RABGAP1L: variants seen among roughly 807,000 people sequenced by gnomAD.
The protein encoded by RABGAP1L is rab GTPase-activating protein 1-like.
Under a neutral mutation model 137.7 loss-of-function variants are expected in RABGAP1L, and 63 were observed. That is an observed-to-expected ratio of 0.46 (90% CI 0.37 to 0.56). The LOEUF is 0.56. RABGAP1L is among the 20% of genes least tolerant of loss of function. The probability of loss-of-function intolerance (pLI) is 0.00; values close to 1 mark genes in which losing one functional copy is unlikely to be tolerated. For synonymous variants in RABGAP1L, 431 were observed against 433.7 expected (o/e 0.99, Z 0.08); for missense variants, 1,095 against 1,244.0 (o/e 0.88, Z 1.80).
chr1:174,673,057 CT>C (rs1346627390), intron 14 of RABGAP1L, among the ~76,000 whole-genome samples: 1 of 152,122 alleles, frequency 6.6e-6, no homozygotes, highest in Non-Finnish European at 1.5e-5. Context: ...CTTCCAACCC[CT>C]AATACATACA....
rs1672297999 is a variant in RABGAP1L, at chr1:174,995,301, G to C, written c.*5300G>C. The stretch of plus-strand genomic sequence containing the variant: ...TTAAGCAGTAATAAACATTTGTTCT[G>C]AAGTCCATGTATGTCTTTTTTATTT... On this transcript the variant is annotated 3_prime_UTR_variant, in exon 26 of 26. Transcript: ENST00000681986. 1 of 152,182 alleles carries C rather than the reference G, an allele frequency of 6.6e-6. No homozygotes were observed. Among genetic ancestry groups the C allele is most frequent in the Admixed American group, 6.5e-5 (1 of 15,270 alleles). 9.4% of individuals were successfully genotyped at this position (152,182 alleles called of 1,614,324 possible). A position where few individuals can be genotyped will look rare whatever the true frequency, so the allele number is the denominator to read the frequency against.
At chr1:174,248,599 A>G (rs1672458424) in intron 5 of RABGAP1L, among the ~76,000 whole-genome samples, 1 of 152,160 alleles carries the variant, frequency 6.6e-6, no homozygotes, top group South Asian at 2.1e-4. Context: ...AAGGCACTTT[A>G]GGGTAATCAT....
chr1:174,361,376 C>G (rs896393344), intron 11 of RABGAP1L, among the ~76,000 whole-genome samples: 1 of 151,940 alleles, frequency 6.6e-6, no homozygotes, highest in Non-Finnish European at 1.5e-5. Flanking sequence ...TTTGGGTAGT[C>G]TGGACATTTA....
intron 1 of RABGAP1L, among the ~76,000 whole-genome samples, chr1:174,200,142 A>G (rs916337998): frequency 6.6e-6 from 1 of 152,236 alleles, no homozygotes; most frequent in African/African-American, 2.4e-5. Flanking sequence ...TAGACAGATA[A>G]TGTACCAATG....
intron 13 of RABGAP1L, among the ~76,000 whole-genome samples, chr1:174,462,631 A>G (rs1172752579): frequency 1.3e-5 from 2 of 152,130 alleles, no homozygotes; most frequent in Non-Finnish European, 2.9e-5. Context: ...TGATCTCATC[A>G]CCGAGGTAGT....
intron 13 of RABGAP1L, among the ~76,000 whole-genome samples, chr1:174,538,657 T>G (rs527925577): frequency 6.6e-6 from 1 of 152,288 alleles, no homozygotes; most frequent in Admixed American, 6.5e-5. Flanking sequence ...ACTATAAAAT[T>G]GTTATGTTAT....
chr1:174,792,015 A>C (rs528769628), intron 18 of RABGAP1L, among the ~76,000 whole-genome samples: 2 of 152,304 alleles, frequency 1.3e-5, no homozygotes, highest in African/African-American at 4.8e-5. Flanking sequence ...TCTTTCTAAT[A>C]AGATAGGTTC....
intron 15 of RABGAP1L, among the ~76,000 whole-genome samples, chr1:174,695,283 C>G (rs1277963186): frequency 6.6e-6 from 1 of 151,936 alleles, no homozygotes; most frequent in Non-Finnish European, 1.5e-5. Flanking sequence ...TGCAGGCATG[C>G]CTAATGTCTT....
rs184278642 is a variant in RABGAP1L, at chr1:174,344,530, G to C, written c.1466-26449G>C. Among the ~76,000 whole-genome samples the C allele has an allele frequency of 7.2e-5, 11 of 152,248 alleles. No homozygotes were observed. In the East Asian group the frequency reaches 2.1e-3, roughly 29 times the overall value. On this transcript the variant is annotated intron_variant, in intron 11 of 25. Transcript: ENST00000681986. ...AATGATTTAGTGATTACCTTGGTGT[G>C]ATCATTCACACATCATGGTGATAGT...
chr1:174,682,317 TACACAC>T (rs531495515), intron 14 of RABGAP1L, among the ~76,000 whole-genome samples: 6 of 148,546 alleles, frequency 4.0e-5, no homozygotes, highest in Non-Finnish European at 7.5e-5. Flanking sequence ...TATATATATA[TACACAC>T]ACACACACAC....
intron 1 of RABGAP1L, among the ~76,000 whole-genome samples, chr1:174,184,776 A>C (rs1364764668): frequency 2.0e-5 from 3 of 152,192 alleles, no homozygotes; most frequent in Non-Finnish European, 4.4e-5. Context: ...CTCTGCTAAC[A>C]CAGAAGTTTC....
intron 2 of RABGAP1L, among the ~76,000 whole-genome samples, chr1:174,220,511 T>C (rs1404165423): frequency 1.3e-5 from 2 of 151,940 alleles, no homozygotes; most frequent in East Asian, 1.9e-4. Context: ...CTACAAAAAA[T>C]ACAAAAATTA....
Position 174,931,988 on chromosome 1 carries a change from TGG to T in RABGAP1L, c.2341-25468_2341-25467del, listed in dbSNP as rs1472880801. Among the ~76,000 whole-genome samples, 838 of 129,454 alleles carry T rather than the reference TGG, an allele frequency of 6.5e-3. 10 individuals carry two copies. The highest frequency in any genetic ancestry group is 0.01 in the Non-Finnish European group (614 of 61,008). 84.9% of individuals were successfully genotyped at this position (129,454 alleles called of 152,430 possible). Reference sequence around the variant, plus strand: ...ATAAAATTTCTTTAGACTGCTTTTTTGGTTTTTTTTTTTTTTTTTTTTTTTTG... The same window carrying T: ...ATAAAATTTCTTTAGACTGCTTTTTTTTTTTTTTTTTTTTTTTTTTTTTTG... On this transcript the variant is annotated intron_variant, in intron 19 of 25. Coordinates refer to ENST00000681986, the MANE Select transcript of RABGAP1L (RefSeq NM_001366446.1).
intron 13 of RABGAP1L, among the ~76,000 whole-genome samples, chr1:174,410,387 G>C (rs1307723112): frequency 2.0e-5 from 3 of 152,124 alleles, no homozygotes; most frequent in African/African-American, 7.2e-5. Flanking sequence ...GTTAATTTTT[G>C]TGTATGGTGA....
At chr1:174,573,201 A>ACAC (rs1297674834) in intron 13 of RABGAP1L, among the ~76,000 whole-genome samples, 1 of 149,368 alleles carries the variant, frequency 6.7e-6, no homozygotes, top group Non-Finnish European at 1.5e-5. Flanking sequence ...GTGTGTGTAT[A>ACAC]TATGTGTGAC....
chr1:174,790,235 A>C (rs905533059), intron 18 of RABGAP1L, among the ~76,000 whole-genome samples: 2 of 152,110 alleles, frequency 1.3e-5, no homozygotes, highest in African/African-American at 2.4e-5. Flanking sequence ...AATACGTAAC[A>C]AAGAAGTAAG....
intron 22 of RABGAP1L, 69 bp downstream of exon 22, chr1:174,976,251 G>A: frequency 7.8e-7 from 1 of 1,277,462 alleles, no homozygotes. Flanking sequence ...CTATAAAAAA[G>A]AAGGAAAATT....
At chr1:174,529,551 C>G (rs898589187) in intron 13 of RABGAP1L, among the ~76,000 whole-genome samples, 1 of 151,832 alleles carries the variant, frequency 6.6e-6, no homozygotes, top group Non-Finnish European at 1.5e-5. Flanking sequence ...TTTGGTGTGC[C>G]TGTTCCTGGG....
At chr1:174,764,430 A>G (rs957966853) in intron 18 of RABGAP1L, among the ~76,000 whole-genome samples, 15 of 152,180 alleles carry the variant, frequency 9.9e-5, no homozygotes, top group African/African-American at 3.6e-4. Context: ...GTGGCAACGT[A>G]TAAGTATGTT....
Sources: allele counts gnomAD v4.1 joint callset (sites outside exome capture counted in the v4.1 genomes callset), GRCh38; gene constraint gnomAD v4.1.1; transcripts MANE v1.5; gene names NCBI Gene and HGNC (gene_info 2026-07-23, HGNC 2026-07-21).